BICD1: variants seen among roughly 807,000 people sequenced by gnomAD.
BICD1 encodes the protein BICD cargo adaptor 1, also known as protein bicaudal D homolog 1.
BICD1 carries 35 observed loss-of-function variants against 92.5 expected under a neutral mutation model. The observed-to-expected ratio is 0.38, with a 90% CI of 0.29 to 0.50. BICD1 has a LOEUF of 0.50. BICD1 is among the 20% of genes least tolerant of loss of function. BICD1 has a pLI of 0.93. For synonymous variants in BICD1, 429 were observed against 465.1 expected (o/e 0.92, Z 1.00); for missense variants, 950 against 1,189.8 (o/e 0.80, Z 2.97).
At chr12:32,137,383 C>G (rs1308237053) in intron 1 of BICD1, among the ~76,000 whole-genome samples, 1 of 152,178 alleles carries the variant, frequency 6.6e-6, no homozygotes, top group African/African-American at 2.4e-5. Context: ...GCCACCGCAC[C>G]TGGCCTAAGG....
chr12:32,254,990 A>G (rs550817752), intron 2 of BICD1, among the ~76,000 whole-genome samples: 31 of 152,068 alleles, frequency 2.0e-4, no homozygotes, highest in Admixed American at 1.6e-3. Context: ...GGGCTGCCAT[A>G]ACAAAATATC....
rs561595445 is a variant in BICD1 at position 32,173,564 on chromosome 12, C to T, written c.214-42683C>T. On this transcript the variant is annotated intron_variant, in intron 1 of 9. Coordinates refer to ENST00000652176, the MANE Select transcript of BICD1 (RefSeq NM_001714.4). ...GGTAAATGTTCTCTAAGAAAGAAAA[C>T]GAAAAAATAATGGCTAGAGTCATGT... Among the ~76,000 whole-genome samples, 41 of 152,050 alleles carry T rather than the reference C, an allele frequency of 2.7e-4. No homozygotes were observed. In the South Asian group the frequency reaches 4.6e-3, roughly 17 times the overall value.
At chr12:32,199,332 C>T (rs1944833885) in intron 1 of BICD1, among the ~76,000 whole-genome samples, 1 of 152,066 alleles carries the variant, frequency 6.6e-6, no homozygotes, top group Admixed American at 6.6e-5. Flanking sequence ...TCACAGGGGG[C>T]CCAGGTTCCT....
At chr12:32,265,033 G>A (rs746328787) in intron 2 of BICD1, among the ~76,000 whole-genome samples, 5 of 151,960 alleles carry the variant, frequency 3.3e-5, no homozygotes, top group African/African-American at 4.8e-5. Context: ...ATTCTACTCT[G>A]CAACTTCCAG....
chr12:32,315,972 C>T (rs1306682040), intron 4 of BICD1, among the ~76,000 whole-genome samples: 1 of 151,800 alleles, frequency 6.6e-6, no homozygotes, highest in African/African-American at 2.4e-5. Flanking sequence ...CCCGTCTCTA[C>T]TAAAAATACA....
intron 1 of BICD1, among the ~76,000 whole-genome samples, chr12:32,177,645 A>T (rs1023241747): frequency 6.9e-6 from 1 of 144,940 alleles, no homozygotes. Context: ...TAGAGGGTTG[A>T]GTTTACAAAA....
intron 2 of BICD1, among the ~76,000 whole-genome samples, chr12:32,276,895 G>GT (rs1269072998): frequency 6.6e-6 from 1 of 152,080 alleles, no homozygotes; most frequent in African/African-American, 2.4e-5. Context: ...TAAGCAATAG[G>GT]TAAAAAAATG....
At chr12:32,144,546 A>G (rs1456613939) in intron 1 of BICD1, among the ~76,000 whole-genome samples, 1 of 152,246 alleles carries the variant, frequency 6.6e-6, no homozygotes, top group Non-Finnish European at 1.5e-5. Flanking sequence ...ACATTTTGTC[A>G]AATAGCCCCT....
At chr12:32,150,954 TG>T (rs1449823763) in intron 1 of BICD1, among the ~76,000 whole-genome samples, 1 of 152,172 alleles carries the variant, frequency 6.6e-6, no homozygotes, top group East Asian at 1.9e-4. Flanking sequence ...TTAACATCAA[TG>T]GTACCCTGCT....
rs146947055 is a variant in BICD1, at chr12:32,318,967, G to A, written c.1006-8494G>A. On this transcript the variant is annotated intron_variant, in intron 4 of 9. Transcript: ENST00000652176. Reference sequence around the variant, plus strand: ...GCTAGTATATAGAAATACAACTGATGTTCGTATATTGATTTTGTATCCTGC... The same window carrying A: ...GCTAGTATATAGAAATACAACTGATATTCGTATATTGATTTTGTATCCTGC... 5.6e-3 allele frequency among the ~76,000 whole-genome samples: 853 copies of A among 152,224 alleles called. 5 individuals are homozygous for A. Among genetic ancestry groups the A allele is most frequent in the African/African-American group, 0.019 (794 of 41,534 alleles).
At chr12:32,171,986 C>CATATAT (rs201564098) in intron 1 of BICD1, among the ~76,000 whole-genome samples, 1 of 115,622 alleles carries the variant, frequency 8.6e-6, no homozygotes, top group African/African-American at 3.1e-5. Context: ...CACACACACA[C>CATATAT]ACACTAAAAC....
intron 8 of BICD1, among the ~76,000 whole-genome samples, chr12:32,343,702 A>T (rs1040710017): frequency 6.6e-6 from 1 of 151,948 alleles, no homozygotes; most frequent in Non-Finnish European, 1.5e-5. Context: ...TGACACAATG[A>T]CTCAGCTAGT....
intron 2 of BICD1, among the ~76,000 whole-genome samples, chr12:32,230,447 C>CATAAAT (rs1565603978): frequency 0.013 from 332 of 25,736 alleles, no homozygotes; most frequent in East Asian, 0.099. Context: ...AATAAATAAG[C>CATAAAT]AAGCAAATAA....
At chr12:32,207,251 C>A (rs111452243) in intron 1 of BICD1, among the ~76,000 whole-genome samples, 7 of 152,124 alleles carry the variant, frequency 4.6e-5, no homozygotes, top group Non-Finnish European at 7.3e-5. Flanking sequence ...AAAAAACTCT[C>A]AACAGTTGAC....
intron 1 of BICD1, among the ~76,000 whole-genome samples, chr12:32,188,948 C>T (rs994859118): frequency 1.3e-5 from 2 of 152,120 alleles, no homozygotes; most frequent in African/African-American, 2.4e-5. Context: ...CAGGCTGGTG[C>T]ATCCTGAATT....
intron 2 of BICD1, 27 bp from the exon 3 acceptor site, chr12:32,293,966 AT>A (rs779236196): frequency 1.2e-6 from 2 of 1,601,126 alleles, no homozygotes; most frequent in Non-Finnish European, 1.7e-6. Context: ...AGAGAGTTAT[AT>A]ATTGACTGTT....
chr12:32,373,619 T>C (rs1230589962), intron 9 of BICD1, among the ~76,000 whole-genome samples: 1 of 151,928 alleles, frequency 6.6e-6, no homozygotes, highest in Admixed American at 6.6e-5. Flanking sequence ...ACGCCTGTAA[T>C]CCCAACACTT....
At chr12:32,173,238 T>C (rs1047177106) in intron 1 of BICD1, among the ~76,000 whole-genome samples, 52 of 152,076 alleles carry the variant, frequency 3.4e-4, no homozygotes, top group Non-Finnish European at 2.9e-5. Context: ...TTAGTAGAGA[T>C]GGGGTTTCAC....
At chr12:32,121,949 G>A (rs1942168555) in intron 1 of BICD1, among the ~76,000 whole-genome samples, 1 of 151,904 alleles carries the variant, frequency 6.6e-6, no homozygotes, top group African/African-American at 2.4e-5. Context: ...GAGTAGCTGG[G>A]ACTACAGGTG....
Sources: allele counts gnomAD v4.1 joint callset (sites outside exome capture counted in the v4.1 genomes callset), GRCh38; gene constraint gnomAD v4.1.1; transcripts MANE v1.5; gene names NCBI Gene and HGNC (gene_info 2026-07-23, HGNC 2026-07-21).